The following SLC44A1 variants were observed in gnomAD, a reference collection of about 807,000 sequenced individuals.
SLC44A1 encodes the protein choline transporter-like protein 1.
A neutral mutation model predicts 79.3 loss-of-function variants in SLC44A1; 26 were observed. The observed-to-expected ratio is 0.33, with a 90% CI of 0.24 to 0.46. SLC44A1 has a LOEUF of 0.46. Ranked by LOEUF, SLC44A1 falls within the 20% of genes least tolerant of loss-of-function variation. The pLI, the probability that SLC44A1 is intolerant of heterozygous loss-of-function variation, is 1.00. For synonymous variants in SLC44A1, 263 were observed against 286.2 expected, an observed-to-expected ratio of 0.92 and a Z score of 0.82; for missense variants, 688 against 798.1, an observed-to-expected ratio of 0.86 and a Z score of 1.66.
chr9:105,291,303 T>C (rs1379837181), intron 1 of SLC44A1, among the ~76,000 whole-genome samples: 1 of 152,248 alleles, frequency 6.6e-6, no homozygotes, highest in Non-Finnish European at 1.5e-5. Flanking sequence ...TTGTCTTTAA[T>C]ACTGGAGGTT....
At chr9:105,283,069 T>C (rs1830396451) in intron 1 of SLC44A1, among the ~76,000 whole-genome samples, 1 of 152,154 alleles carries the variant, frequency 6.6e-6, no homozygotes, top group Non-Finnish European at 1.5e-5. Flanking sequence ...GGGCCACAGA[T>C]GGGAGTTTAG....
intron 15 of SLC44A1, among the ~76,000 whole-genome samples, chr9:105,403,606 T>C (rs1186729935): frequency 6.7e-6 from 1 of 149,088 alleles, no homozygotes; most frequent in Admixed American, 6.8e-5. Flanking sequence ...ACTCACACCA[T>C]ATTTAGGAAG....
chr9:105,296,302 C>CCT lies in SLC44A1; in HGVS notation c.37-2912_37-2911dup, dbSNP rs752130300. 3.3e-5 allele frequency among the ~76,000 whole-genome samples: 5 copies of CCT among 152,118 alleles called. No homozygotes were observed. The East Asian group carries it at 7.7e-4, about 23-fold the overall frequency. The stretch of plus-strand genomic sequence containing the variant: ...AGTATTTTTTATATGTAACTCCTAC[C>CCT]CTCTCTCCACTTCTCATTCCCAGTG... On this transcript the variant is annotated intron_variant, in intron 1 of 15. Coordinates refer to ENST00000374720, the MANE Select transcript of SLC44A1 (RefSeq NM_080546.5).
At chr9:105,323,290 C>A (rs1190606906) in intron 3 of SLC44A1, among the ~76,000 whole-genome samples, 1 of 150,272 alleles carries the variant, frequency 6.7e-6, no homozygotes, top group Non-Finnish European at 1.5e-5. Context: ...AAATTTGATT[C>A]TCTGATATAA....
Position 105,268,208 on chromosome 9 carries a change from A to C in SLC44A1, c.36+23304A>C, listed in dbSNP as rs533660716. Among the ~76,000 whole-genome samples the C allele has an allele frequency of 9.9e-5, 15 of 152,200 alleles. No individual in the cohort carries two copies. The East Asian group carries it at 2.9e-3, about 29-fold the overall frequency. On this transcript the variant is annotated intron_variant, in intron 1 of 15. Transcript: ENST00000374720. ...ATCCTTCATTTTTAGCCCCATTGTCATCTCCAGTTCCAGAGATATATTAAA... is the reference window on the plus strand; with the variant it reads ...ATCCTTCATTTTTAGCCCCATTGTCCTCTCCAGTTCCAGAGATATATTAAA...
intron 3 of SLC44A1, among the ~76,000 whole-genome samples, chr9:105,314,649 C>T (rs1395857750): frequency 6.6e-6 from 1 of 152,184 alleles, no homozygotes; most frequent in Non-Finnish European, 1.5e-5. Flanking sequence ...CCTAAAATGC[C>T]TCTCCAATGT....
chr9:105,394,623 T>C lies in SLC44A1; in HGVS notation c.*5567T>C. ...TCAGCTATGACATTATGACATTATG[T>C]GGCTTAGTGTTATCAGTATACTACT... On this transcript the variant is annotated 3_prime_UTR_variant, in exon 16 of 16. Transcript: ENST00000374720. The C allele has an allele frequency of 1.0e-6, 1 of 985,314 alleles. No individual in the cohort carries two copies. Among genetic ancestry groups the C allele is most frequent in the Non-Finnish European group, 1.2e-6 (1 of 829,850 alleles). 61.0% of individuals were successfully genotyped at this position (985,314 alleles called of 1,614,324 possible). A position where few individuals can be genotyped will look rare whatever the true frequency, so the allele number is the denominator to read the frequency against.
At chr9:105,434,472 T>G (rs1829438344) in intron 15 of SLC44A1, among the ~76,000 whole-genome samples, 1 of 152,188 alleles carries the variant, frequency 6.6e-6, no homozygotes, top group African/African-American at 2.4e-5. Context: ...TCTTAGAAAG[T>G]AGGGCAAAAA....
rs1387331948 is a variant in SLC44A1 at position 105,366,409 on chromosome 9, T to G, written c.1474T>G (p.Cys492Gly). 6.6e-7 allele frequency: 1 copy of G among 1,520,210 alleles called. No individual in the cohort carries two copies. Among genetic ancestry groups the G allele is most frequent in the East Asian group, 2.5e-5 (1 of 40,788 alleles). 94.2% of individuals were successfully genotyped at this position (1,520,210 alleles called of 1,614,324 possible). A position where few individuals can be genotyped will look rare whatever the true frequency, so the allele number is the denominator to read the frequency against. ...CICCLWCLEKCLNYLNQNAYT... is the reference protein window; with the variant it reads ...CICCLWCLEKGLNYLNQNAYT... ...TTGTTGCCTTTGGTGTCTTGAAAAG[T>G]GCCTAAATTATTTAAATCAGGTAAA... Residue 492 changes from cysteine to glycine, a missense_variant, in exon 12 of 16, where the codon TGC becomes GGC. Transcript: ENST00000374720.
At chr9:105,313,012 C>T (rs1831222773) in intron 3 of SLC44A1, among the ~76,000 whole-genome samples, 2 of 152,222 alleles carry the variant, frequency 1.3e-5, no homozygotes, top group East Asian at 1.9e-4. Context: ...GATGTGGACC[C>T]GTTTCACCTA....
At chr9:105,417,839 C>CA (rs146589405) in intron 15 of SLC44A1, among the ~76,000 whole-genome samples, 3,129 of 57,788 alleles carry the variant, frequency 0.054, 67 homozygotes, top group Non-Finnish European at 0.093. Flanking sequence ...CTCATCCCTA[C>CA]AAAAAAAAAA....
chr9:105,422,614 A>G (rs2131517618), intron 15 of SLC44A1, among the ~76,000 whole-genome samples: 1 of 152,092 alleles, frequency 6.6e-6, no homozygotes, highest in African/African-American at 2.4e-5. Flanking sequence ...CATGAGACAG[A>G]TCCCTGGATA....
chr9:105,256,502 C>T (rs974789020), intron 1 of SLC44A1, among the ~76,000 whole-genome samples: 2 of 151,536 alleles, frequency 1.3e-5, no homozygotes, highest in Admixed American at 6.6e-5. Flanking sequence ...ACCCACTCTC[C>T]TTTTGGTTTC....
chr9:105,389,138 T>G lies in SLC44A1; in HGVS notation c.*82T>G, dbSNP rs949766977. 1 of 1,573,248 alleles carries G rather than the reference T, an allele frequency of 6.4e-7. No individual in the cohort carries two copies. Among genetic ancestry groups the G allele is most frequent in the Non-Finnish European group, 8.7e-7 (1 of 1,148,908 alleles). On this transcript the variant is annotated 3_prime_UTR_variant, in exon 16 of 16. Transcript: ENST00000374720. The stretch of plus-strand genomic sequence containing the variant: ...CTATGTATTTGTGTGTGTGGGTGTG[T>G]GTATATATGTATATGTATGTGTGTA...
At chr9:105,352,143 A>G (rs1014154918) in intron 5 of SLC44A1, among the ~76,000 whole-genome samples, 1 of 152,236 alleles carries the variant, frequency 6.6e-6, no homozygotes, top group African/African-American at 2.4e-5. Context: ...AAAAAGGGTG[A>G]AAGAAGAGAA....
chr9:105,339,083 A>G (rs1173533104), intron 4 of SLC44A1, among the ~76,000 whole-genome samples: 1 of 152,240 alleles, frequency 6.6e-6, no homozygotes, highest in Non-Finnish European at 1.5e-5. Flanking sequence ...AGGCAACAAA[A>G]GAAAAAATAC....
At chr9:105,273,435 G>T (rs950308498) in intron 1 of SLC44A1, among the ~76,000 whole-genome samples, 2 of 152,212 alleles carry the variant, frequency 1.3e-5, no homozygotes, top group African/African-American at 2.4e-5. Context: ...GAGATGAATG[G>T]ATTACATTTG....
chr9:105,295,265 G>A (rs1830695053), intron 1 of SLC44A1, among the ~76,000 whole-genome samples: 1 of 152,162 alleles, frequency 6.6e-6, no homozygotes, highest in Non-Finnish European at 1.5e-5. Context: ...TCTTCTCTGG[G>A]TTTCAATCAC....
intron 15 of SLC44A1, among the ~76,000 whole-genome samples, chr9:105,402,716 T>G (rs564453032): frequency 6.6e-6 from 1 of 152,234 alleles, no homozygotes; most frequent in African/African-American, 2.4e-5. Context: ...TCTACTCTTC[T>G]ACATTGTCAT....
Sources: gnomAD v4.1 joint callset for allele counts (sites outside exome capture counted in the v4.1 genomes callset) on GRCh38, gnomAD v4.1.1 for gene constraint, MANE v1.5 for transcripts, NCBI Gene and HGNC (gene_info 2026-07-23, HGNC 2026-07-21) for gene names.